The following GRIN2A variants were observed in gnomAD, a reference collection of about 807,000 sequenced individuals.
GRIN2A encodes glutamate ionotropic receptor NMDA type subunit 2A.
In GRIN2A, 22 loss-of-function variants were observed where a neutral mutation model predicts 113.4. The ratio of observed to expected loss-of-function variants is 0.19; its 90% CI spans 0.14 to 0.28. The LOEUF is 0.28. GRIN2A is among the 10% of genes least tolerant of loss of function. The pLI is 1.00. For synonymous variants in GRIN2A, 827 were observed against 738.4 expected, an observed-to-expected ratio of 1.12 and a Z score of -1.94; for missense variants, 1,502 against 1,887.0, an observed-to-expected ratio of 0.80 and a Z score of 3.78.
intron 2 of GRIN2A, among the ~76,000 whole-genome samples, chr16:10,034,113 G>A (rs867566766): frequency 1.3e-5 from 2 of 152,124 alleles, no homozygotes; most frequent in Non-Finnish European, 2.9e-5. Context: ...AACTGAGATT[G>A]GCAGTGTGAA....
intron 2 of GRIN2A, among the ~76,000 whole-genome samples, chr16:9,968,209 G>GCTTC (rs1596372014): frequency 6.6e-6 from 1 of 152,020 alleles, no homozygotes; most frequent in East Asian, 1.9e-4. Context: ...GCTTTGTATT[G>GCTTC]CTTCCTTCCT....
At chr16:10,168,475 T>C (rs765359081) in intron 2 of GRIN2A, among the ~76,000 whole-genome samples, 2 of 152,110 alleles carry the variant, frequency 1.3e-5, no homozygotes, top group Non-Finnish European at 1.5e-5. Context: ...AGTGTTTGAA[T>C]AAGAAAGAGC....
At chr16:10,131,086 G>T (rs1232398338) in intron 2 of GRIN2A, among the ~76,000 whole-genome samples, 1 of 152,236 alleles carries the variant, frequency 6.6e-6, no homozygotes, top group African/African-American at 2.4e-5. Context: ...ACATCCACAA[G>T]ATTTCAAGAG....
intron 2 of GRIN2A, chr16:10,037,126 A>C (rs2047051635): frequency 6.6e-6 from 1 of 152,180 alleles, no homozygotes; most frequent in South Asian, 2.1e-4. Flanking sequence ...TTGGGCTACC[A>C]GAGAGTTCCG....
chr16:10,145,838 T>C (rs1293493893), intron 2 of GRIN2A, among the ~76,000 whole-genome samples: 2 of 152,180 alleles, frequency 1.3e-5, no homozygotes, highest in African/African-American at 4.8e-5. Flanking sequence ...TAAAACTTTA[T>C]TTACAAAGAC....
intron 9 of GRIN2A, among the ~76,000 whole-genome samples, chr16:9,826,543 C>T (rs769705026): frequency 6.6e-6 from 1 of 151,772 alleles, no homozygotes; most frequent in Non-Finnish European, 1.5e-5. Flanking sequence ...AAAACAAAAA[C>T]AAAAAACAAA....
At chr16:9,985,478 T>A (rs1211312176) in intron 2 of GRIN2A, among the ~76,000 whole-genome samples, 2 of 152,124 alleles carry the variant, frequency 1.3e-5, no homozygotes, top group African/African-American at 4.8e-5. Context: ...GAAAATGTGG[T>A]ACATATACAC....
chr16:10,016,781 G>A (rs762410063), intron 2 of GRIN2A, among the ~76,000 whole-genome samples: 10 of 152,136 alleles, frequency 6.6e-5, no homozygotes, highest in Non-Finnish European at 1.5e-4. Flanking sequence ...GCCTGGACTC[G>A]CACAAGGGCA....
intron 2 of GRIN2A, among the ~76,000 whole-genome samples, chr16:10,132,626 A>G (rs1372901675): frequency 6.6e-6 from 1 of 152,218 alleles, no homozygotes; most frequent in Admixed American, 6.5e-5. Flanking sequence ...CAGAGCCACC[A>G]CTAACTAGAT....
chr16:10,038,297 A>G (rs1188703108), intron 2 of GRIN2A, among the ~76,000 whole-genome samples: 2 of 152,132 alleles, frequency 1.3e-5, no homozygotes, highest in African/African-American at 2.4e-5. Context: ...ACCTCAGCCT[A>G]TCACTTTGGA....
rs1430904341 is a variant in GRIN2A at position 9,947,844 on chromosome 16, GA to G, written c.415-9294del. Reference sequence around the variant, plus strand: ...ACCTTAAAGAGGTTGTTGTGATTGGGATAATGCATGTATTACTCTGAGCACA... The same window carrying G: ...ACCTTAAAGAGGTTGTTGTGATTGGGTAATGCATGTATTACTCTGAGCACA... On this transcript the variant is annotated intron_variant, in intron 2 of 12. Coordinates refer to ENST00000330684, the MANE Select transcript of GRIN2A (RefSeq NM_001134407.3). Among the ~76,000 whole-genome samples, 3 of 151,956 alleles carry G rather than the reference GA, an allele frequency of 2.0e-5. No homozygotes were observed. In the East Asian group the frequency reaches 5.8e-4, roughly 29 times the overall value.
intron 3 of GRIN2A, among the ~76,000 whole-genome samples, chr16:9,925,462 A>G (rs117691315): frequency 6.6e-6 from 1 of 152,116 alleles, no homozygotes; most frequent in African/African-American, 2.4e-5. Context: ...GCAGATCTCC[A>G]TTTACGCGGA....
chr16:10,142,746 C>G (rs796734271), intron 2 of GRIN2A, among the ~76,000 whole-genome samples: 1 of 152,142 alleles, frequency 6.6e-6, no homozygotes, highest in Non-Finnish European at 1.5e-5. Flanking sequence ...CTAACCCTCT[C>G]CCATTTCCAC....
intron 2 of GRIN2A, among the ~76,000 whole-genome samples, chr16:9,951,051 C>T (rs1168300387): frequency 6.6e-6 from 1 of 152,182 alleles, no homozygotes; most frequent in East Asian, 1.9e-4. Flanking sequence ...CTTATCGGTG[C>T]TTAACCTGTG....
chr16:9,931,595 A>G lies in GRIN2A; in HGVS notation c.1007+6364T>C, dbSNP rs1164533291. Among the ~76,000 whole-genome samples the G allele has an allele frequency of 5.3e-5, 8 of 152,268 alleles. No individual in the cohort carries two copies. In the East Asian group the frequency reaches 1.5e-3, roughly 29 times the overall value. On this transcript the variant is annotated intron_variant, in intron 3 of 12. Transcript: ENST00000330684. ...TTGATGCCACACTGCCCTCTTCCCA[A>G]TGGCCATATTTCTCCCAAGGTAATC...
chr16:10,104,815 G>A (rs1450232756), intron 2 of GRIN2A, among the ~76,000 whole-genome samples: 1 of 152,190 alleles, frequency 6.6e-6, no homozygotes, highest in East Asian at 1.9e-4. Flanking sequence ...GTCGACGGCA[G>A]GGTATGAGGA....
intron 4 of GRIN2A, among the ~76,000 whole-genome samples, chr16:9,852,003 G>A (rs145886783): frequency 4.2e-4 from 64 of 152,138 alleles, no homozygotes; most frequent in East Asian, 5.8e-4. Flanking sequence ...AGAACTTTGC[G>A]CATATCTCCA....
At chr16:10,108,812 A>T (rs1596514453) in intron 2 of GRIN2A, among the ~76,000 whole-genome samples, 1 of 152,168 alleles carries the variant, frequency 6.6e-6, no homozygotes, top group Admixed American at 6.5e-5. Context: ...AGTAACATAG[A>T]AGCAAAAAAA....
chr16:10,036,097 G>C (rs1416013734), intron 2 of GRIN2A, among the ~76,000 whole-genome samples: 2 of 152,126 alleles, frequency 1.3e-5, no homozygotes, highest in African/African-American at 2.4e-5. Context: ...GAATGATTCA[G>C]ATTCCCCTGA....
Sources: gnomAD v4.1 joint callset for allele counts (sites outside exome capture counted in the v4.1 genomes callset) on GRCh38, gnomAD v4.1.1 for gene constraint, MANE v1.5 for transcripts, NCBI Gene and HGNC (gene_info 2026-07-23, HGNC 2026-07-21) for gene names.